The following MDGA2 variants were observed in gnomAD, a reference collection of about 807,000 sequenced individuals.
MDGA2 encodes the protein MAM domain containing glycosylphosphatidylinositol anchor 2.
In MDGA2, 40 loss-of-function variants were observed where a neutral mutation model predicts 117.8. The ratio of observed to expected loss-of-function variants is 0.34; its 90% CI spans 0.26 to 0.44. The LOEUF is 0.44. Among genes scored for constraint, MDGA2 ranks in the 20% least tolerant of loss-of-function variants. The pLI, the probability that MDGA2 is intolerant of heterozygous loss-of-function variation, is 1.00. For synonymous variants in MDGA2, 452 were observed against 439.0 expected (o/e 1.03, Z -0.37); for missense variants, 1,123 against 1,250.6 (o/e 0.90, Z 1.54).
intron 8 of MDGA2, among the ~76,000 whole-genome samples, chr14:47,024,084 TAGAC>T (rs1297467506): frequency 1.3e-5 from 2 of 152,120 alleles, no homozygotes; most frequent in Non-Finnish European, 1.5e-5. Context: ...AAGACAGACA[TAGAC>T]AGATAGACAG....
chr14:47,308,837 A>C (rs1889543279), intron 1 of MDGA2, among the ~76,000 whole-genome samples: 1 of 152,056 alleles, frequency 6.6e-6, no homozygotes, highest in Non-Finnish European at 1.5e-5. Context: ...TATCATTTGT[A>C]TTTCTAAAAG....
chr14:47,095,873 A>C (rs1051297311), intron 6 of MDGA2, among the ~76,000 whole-genome samples: 1 of 152,048 alleles, frequency 6.6e-6, no homozygotes, highest in Non-Finnish European at 1.5e-5. Flanking sequence ...TTCCATCATA[A>C]GTAATTTTCA....
intron 8 of MDGA2, among the ~76,000 whole-genome samples, chr14:46,990,567 A>C (rs1887050070): frequency 2.0e-5 from 3 of 151,818 alleles, no homozygotes; most frequent in African/African-American, 7.3e-5. Flanking sequence ...ATTGTTAACC[A>C]CTCCTTTTAT....
rs574824265 is a variant in MDGA2 at position 47,665,455 on chromosome 14, C to T, written c.280+9062G>A. On this transcript the variant is annotated intron_variant, in intron 1 of 16. Coordinates refer to ENST00000399232, the MANE Select transcript of MDGA2 (RefSeq NM_001113498.3). ...ACGCTTGAGGAGCCCTTCAGTCCGC[C>T]GCTGCACCGTGGGAGCCCTTCTCCG... 3.7e-4 allele frequency among the ~76,000 whole-genome samples: 56 copies of T among 152,320 alleles called. 1 individual carries two copies. The South Asian group carries it at 9.5e-3, about 26-fold the overall frequency.
intron 1 of MDGA2, among the ~76,000 whole-genome samples, chr14:47,587,319 G>A (rs1896343564): frequency 6.6e-6 from 1 of 151,438 alleles, no homozygotes; most frequent in Non-Finnish European, 1.5e-5. Flanking sequence ...AAAAACCTGA[G>A]ATATTTTTGG....
chr14:47,442,215 A>C (rs1893027495), intron 1 of MDGA2, among the ~76,000 whole-genome samples: 1 of 152,122 alleles, frequency 6.6e-6, no homozygotes, highest in Non-Finnish European at 1.5e-5. Context: ...ATACATATTT[A>C]TTTATTTCTT....
chr14:47,525,543 G>C (rs1370766203), intron 1 of MDGA2, among the ~76,000 whole-genome samples: 1 of 151,940 alleles, frequency 6.6e-6, no homozygotes, highest in Non-Finnish European at 1.5e-5. Flanking sequence ...AAATTATCCG[G>C]GCGTGGTGGC....
At chr14:47,670,191 T>C (rs1179736233) in intron 1 of MDGA2, among the ~76,000 whole-genome samples, 1 of 152,214 alleles carries the variant, frequency 6.6e-6, no homozygotes, top group African/African-American at 2.4e-5. Context: ...TTACTCTATT[T>C]ATTACTTCTA....
chr14:47,407,716 A>G (rs1025200688), intron 1 of MDGA2, among the ~76,000 whole-genome samples: 3 of 152,222 alleles, frequency 2.0e-5, no homozygotes, highest in Admixed American at 2.0e-4. Context: ...TCGTTAATCA[A>G]TAGGGCAATA....
At chr14:47,323,044 A>G (rs936443517) in intron 1 of MDGA2, among the ~76,000 whole-genome samples, 1 of 151,364 alleles carries the variant, frequency 6.6e-6, no homozygotes, top group East Asian at 2.0e-4. Flanking sequence ...CAGAGCCACA[A>G]ATTCCAAAGT....
chr14:46,955,399 A>AT lies in MDGA2; in HGVS notation c.2089+1974_2089+1975insA, dbSNP rs1432420074. On this transcript the variant is annotated intron_variant, in intron 9 of 16. Coordinates refer to ENST00000399232, the MANE Select transcript of MDGA2 (RefSeq NM_001113498.3). ...ATAAAACTGCTATGACTTCACCATT[A>AT]AAATACGAGTAAATAAAATATATGC... 5.3e-5 allele frequency among the ~76,000 whole-genome samples: 8 copies of AT among 152,232 alleles called. No homozygotes were observed. The East Asian group carries it at 1.5e-3, about 29-fold the overall frequency.
At chr14:47,573,194 T>G (rs749824932) in intron 1 of MDGA2, among the ~76,000 whole-genome samples, 2 of 152,136 alleles carry the variant, frequency 1.3e-5, no homozygotes, top group Non-Finnish European at 2.9e-5. Flanking sequence ...TTAACAGATA[T>G]AAGTTCCATC....
chr14:47,482,484 A>G (rs1893974571), intron 1 of MDGA2, among the ~76,000 whole-genome samples: 1 of 152,234 alleles, frequency 6.6e-6, no homozygotes, highest in African/African-American at 2.4e-5. Context: ...ACCGGGCTTC[A>G]GCTGCCTCAT....
At chr14:47,151,166 A>C (rs1193782071) in intron 3 of MDGA2, among the ~76,000 whole-genome samples, 1 of 152,188 alleles carries the variant, frequency 6.6e-6, no homozygotes, top group Non-Finnish European at 1.5e-5. Context: ...TTAAAAAAAG[A>C]GGGATTAGGC....
At chr14:46,882,012 A>C in intron 11 of MDGA2, 32 bp downstream of exon 11, 6 of 1,414,730 alleles carry the variant, frequency 4.2e-6, no homozygotes, top group Non-Finnish European at 5.6e-6. Flanking sequence ...TTAAATATAT[A>C]AATAAATAAT....
intron 1 of MDGA2, among the ~76,000 whole-genome samples, chr14:47,352,013 T>C (rs1279727738): frequency 6.6e-6 from 1 of 152,028 alleles, no homozygotes; most frequent in Non-Finnish European, 1.5e-5. Flanking sequence ...AGAAAGAAAT[T>C]AGTTTCCTAT....
chr14:47,478,512 C>G (rs912496227), intron 1 of MDGA2, among the ~76,000 whole-genome samples: 2 of 151,910 alleles, frequency 1.3e-5, no homozygotes, highest in Non-Finnish European at 2.9e-5. Flanking sequence ...AGAGCTGGGA[C>G]TACAGGTGCC....
At chr14:47,001,191 T>C (rs565802078) in intron 8 of MDGA2, among the ~76,000 whole-genome samples, 2 of 151,770 alleles carry the variant, frequency 1.3e-5, no homozygotes, top group Non-Finnish European at 2.9e-5. Flanking sequence ...ATACAAAATA[T>C]AAGCAAATTT....
rs80116125 is a variant in MDGA2, at chr14:47,233,413, G to T, written c.421-15218C>A. On this transcript the variant is annotated intron_variant, in intron 2 of 16. Transcript: ENST00000399232. ...AAGATTTGGTCGTCTCTCCTTACGC[G>T]CTTAGTTTTCAAGCTAGCAATTATG... 2.4e-3 allele frequency among the ~76,000 whole-genome samples: 365 copies of T among 152,130 alleles called. 9 individuals are homozygous for T. In the East Asian group the frequency reaches 0.06, roughly 25 times the overall value.
Sources: gnomAD v4.1 joint callset for allele counts (sites outside exome capture counted in the v4.1 genomes callset) on GRCh38, gnomAD v4.1.1 for gene constraint, MANE v1.5 for transcripts, NCBI Gene and HGNC (gene_info 2026-07-23, HGNC 2026-07-21) for gene names.